Variants in SYT7 observed in about 807,000 individuals in gnomAD.
SYT7 encodes synaptotagmin 7.
A neutral mutation model predicts 75.1 loss-of-function variants in SYT7; 29 were observed. That is an observed-to-expected ratio of 0.39 (90% CI 0.29 to 0.53). SYT7 has a LOEUF of 0.53. SYT7 is among the 20% of genes least tolerant of loss of function. The probability of loss-of-function intolerance (pLI) is 0.77; values close to 1 mark genes in which losing one functional copy is unlikely to be tolerated. For missense variants in SYT7, 693 were observed against 953.2 expected (o/e 0.73, Z 3.59); for synonymous variants, 376 against 401.7 (o/e 0.94, Z 0.76).
At chr11:61,520,099 G>A (rs2062271224) in intron 12 of SYT7, among the ~76,000 whole-genome samples, 1 of 111,806 alleles carries the variant, frequency 8.9e-6, no homozygotes, top group Admixed American at 7.5e-5. Context: ...CGTGATCTGG[G>A]CAAACTGGTC....
chr11:61,517,846 G>C lies in SYT7; in HGVS notation c.*781C>G. 1 of 248,606 alleles carries C rather than the reference G, an allele frequency of 4.0e-6. No individual in the cohort carries two copies. The highest frequency in any genetic ancestry group is 7.6e-6 in the Non-Finnish European group (1 of 132,448). The allele number at this position is 248,606 out of a possible 1,614,324, so 15.4% of individuals were successfully genotyped here. ...GAGGGGGGCACCAAGGGGAGAAGGG[G>C]AGGAGACGGGGGGATGGCAGGAGGC... On this transcript the variant is annotated 3_prime_UTR_variant, in exon 13 of 13. Transcript: ENST00000539008.
chr11:61,524,437 T>A lies in SYT7; in HGVS notation c.1567A>T (p.Ile523Phe). The A allele has an allele frequency of 6.2e-7, 1 of 1,613,978 alleles. No individual in the cohort carries two copies. Among genetic ancestry groups the A allele is most frequent in the African/African-American group, 1.3e-5 (1 of 75,060 alleles). Residue 523 changes from isoleucine to phenylalanine, a missense_variant, in exon 10 of 13, where the codon ATC becomes TTC. Ile to Phe is a conservative substitution (Grantham distance 21). Coordinates refer to ENST00000539008, the MANE Select transcript of SYT7 (RefSeq NM_001365809.2). This position sits in a 1 kb window ranked among gnomAD's most constrained non-coding sequence, Gnocchi z 4.1. The part of the protein sequence containing the change: ...SRNDPIGEVS[I>F]PLNKVDLTQM... The stretch of plus-strand genomic sequence containing the variant: ...GTCAGGTCCACCTTGTTAAGGGGGA[T>A]GGACACCTCCCCAATGGGGTCGTTG...
At chr11:61,528,310 G>A (rs1004856300) in intron 8 of SYT7, 125 bp from the exon 9 acceptor site, 45 of 1,209,256 alleles carry the variant, frequency 3.7e-5, no homozygotes, top group African/African-American at 2.6e-4. Context: ...TCCCACGGAC[G>A]CTGCTCAGGC....
In SYT7 at chr11:61,524,219, G is replaced by A. The variant is rs577480672; in HGVS notation, c.1641+144C>T. ...AAGCACCAATGTTCTGACTGCTAGC[G>A]AGGGCTGAGCTCCATCGGGTCCACC... On this transcript the variant is annotated intron_variant, in intron 10 of 12. Coordinates refer to ENST00000539008, the MANE Select transcript of SYT7 (RefSeq NM_001365809.2). The surrounding 1 kb of genome is among the most constrained non-coding windows in gnomAD (Gnocchi z 4.1). 120 of 1,001,450 alleles carry A rather than the reference G, an allele frequency of 1.2e-4. No individual in the cohort carries two copies. The Admixed American group carries it at 2.7e-3, about 22-fold the overall frequency. The allele number at this position is 1,001,450 out of a possible 1,614,324, so 62.0% of individuals were successfully genotyped here. A position where few individuals can be genotyped will look rare whatever the true frequency, so the allele number is the denominator to read the frequency against.
At chr11:61,561,437 A>G (rs2063633600) in intron 1 of SYT7, among the ~76,000 whole-genome samples, 1 of 152,154 alleles carries the variant, frequency 6.6e-6, no homozygotes, top group Non-Finnish European at 1.5e-5. Context: ...TGAAGGGTCT[A>G]ACTGAGTCCT....
chr11:61,564,838 G>A (rs926432495), intron 1 of SYT7, among the ~76,000 whole-genome samples: 4 of 152,160 alleles, frequency 2.6e-5, no homozygotes, highest in Admixed American at 2.6e-4. Flanking sequence ...CACTGGCCCA[G>A]GCATTGGCCT....
In SYT7 at chr11:61,580,760, G is replaced by T; in HGVS notation, c.31+30C>A. On this transcript the variant is annotated intron_variant, in intron 1 of 12. Transcript: ENST00000539008. The surrounding 1 kb of genome is among the most constrained non-coding windows in gnomAD (Gnocchi z 6.1). ...GCCGCTGTCCTGCCCGCCGGTGCGG[G>T]GCGCCCCAGCCCGCCGGGGCCGCGC... 8.1e-7 allele frequency: 1 copy of T among 1,236,144 alleles called. No individual in the cohort carries two copies. Among genetic ancestry groups the T allele is most frequent in the Non-Finnish European group, 1.0e-6 (1 of 988,222 alleles). 76.6% of individuals were successfully genotyped at this position (1,236,144 alleles called of 1,614,324 possible).
intron 6 of SYT7, among the ~76,000 whole-genome samples, chr11:61,541,477 A>G (rs2063040824): frequency 6.6e-6 from 1 of 152,072 alleles, no homozygotes; most frequent in Non-Finnish European, 1.5e-5. Context: ...GGGAATGGTT[A>G]AGGTTAGACA....
rs4939526 is a variant in SYT7, at chr11:61,556,451, C to T, written c.32-244G>A. 4.6e-3 allele frequency among the ~76,000 whole-genome samples: 697 copies of T among 152,340 alleles called. 25 individuals carry two copies. In the East Asian group the frequency reaches 0.062, roughly 13 times the overall value. On this transcript the variant is annotated intron_variant, in intron 1 of 12. Transcript: ENST00000539008. The stretch of plus-strand genomic sequence containing the variant: ...CCAGTTGGCATCTTTCTCTGTCTCT[C>T]CCTGCACGGACCCTGTGTGAGTCCA...
intron 8 of SYT7, among the ~76,000 whole-genome samples, chr11:61,531,592 T>A (rs1040896161): frequency 2.6e-5 from 4 of 151,618 alleles, no homozygotes; most frequent in Non-Finnish European, 4.4e-5. Context: ...CTAATGTGGA[T>A]TCAAGAAAAC....
chr11:61,529,040 G>A (rs542009434), intron 8 of SYT7, among the ~76,000 whole-genome samples: 319 of 152,216 alleles, frequency 2.1e-3, no homozygotes, highest in South Asian at 8.3e-3. Context: ...GAACCTGTGA[G>A]CACACCAGTA....
At chr11:61,552,396 G>C (rs551853937) in intron 2 of SYT7, among the ~76,000 whole-genome samples, 192 of 152,166 alleles carry the variant, frequency 1.3e-3, no homozygotes, top group African/African-American at 4.1e-3. Flanking sequence ...GCGGGGTTTG[G>C]GGCTGCCTCT....
Position 61,514,264 on chromosome 11 carries a change from G to A in SYT7, c.*4363C>T, listed in dbSNP as rs1158914812. ...GCCTGAACAGAAGCTCTGGCCAAGG[G>A]AGCCCCTGAGGCTACTTACCTGACC... is the stretch of plus-strand genomic sequence containing the variant. On this transcript the variant is annotated 3_prime_UTR_variant, in exon 13 of 13. Coordinates refer to ENST00000539008, the MANE Select transcript of SYT7 (RefSeq NM_001365809.2). Among the ~76,000 whole-genome samples the A allele has an allele frequency of 6.6e-6, 1 of 152,230 alleles. No homozygotes were observed. Among genetic ancestry groups the A allele is most frequent in the East Asian group, 1.9e-4 (1 of 5,200 alleles).
At chr11:61,549,045 C>A (rs1382164618) in intron 3 of SYT7, among the ~76,000 whole-genome samples, 1 of 152,196 alleles carries the variant, frequency 6.6e-6, no homozygotes, top group Non-Finnish European at 1.5e-5. Context: ...CCCTTCCCAG[C>A]AGAGCCTCAC....
chr11:61,533,524 G>A (rs2062774791), intron 7 of SYT7: 1 of 985,434 alleles, frequency 1.0e-6, no homozygotes. Flanking sequence ...GCTCCACCGT[G>A]GTGTGGTGTG....
At chr11:61,539,411 T>C (rs1311881900) in intron 6 of SYT7, 1 of 152,200 alleles carries the variant, frequency 6.6e-6, no homozygotes, top group East Asian at 1.9e-4. Context: ...GCGACCCTGC[T>C]GTCCCTGAAG....
Position 61,523,567 on chromosome 11 carries a change from C to T in SYT7, c.1756+260G>A, listed in dbSNP as rs373610968. Among the ~76,000 whole-genome samples, 93 of 152,292 alleles carry T rather than the reference C, an allele frequency of 6.1e-4. No homozygotes were observed. Among genetic ancestry groups the T allele is most frequent in the African/African-American group, 2.2e-3 (92 of 41,558 alleles). On this transcript the variant is annotated intron_variant, in intron 11 of 12. Transcript: ENST00000539008. The surrounding 1 kb of genome is among the most constrained non-coding windows in gnomAD (Gnocchi z 5.0). ...AGCTGGGGATAGAACCCAGGTCTTC[C>T]CACAATGTTCCCTCTTTCTGATTCT...
intron 1 of SYT7, among the ~76,000 whole-genome samples, chr11:61,568,787 C>T (rs1335254586): frequency 6.6e-6 from 1 of 152,258 alleles, no homozygotes; most frequent in Non-Finnish European, 1.5e-5. Flanking sequence ...AACTCTGTAG[C>T]ACTTTACAGC....
At chr11:61,582,276 T>G (rs1041276384), upstream of SYT7, among the ~76,000 whole-genome samples, 1 of 152,216 alleles carries the variant, frequency 6.6e-6, no homozygotes, top group Non-Finnish European at 1.5e-5. Context: ...TCCCCTGTGC[T>G]GAGAATGCAG....
Sources: gnomAD v4.1 joint callset for allele counts (sites outside exome capture counted in the v4.1 genomes callset) on GRCh38, gnomAD v4.1.1 for gene constraint, Gnocchi (gnomAD v3.1) non-coding constraint, MANE v1.5 for transcripts, NCBI Gene and HGNC (gene_info 2026-07-23, HGNC 2026-07-21) for gene names.